The following ARB2A variants were observed in gnomAD, a reference collection of about 807,000 sequenced individuals.
ARB2A encodes ARB2 cotranscriptional regulator A.
chr5:93,972,143 T>A, the ARB2A span, among the ~76,000 whole-genome samples: 1 of 152,228 alleles, frequency 6.6e-6, no homozygotes, highest in South Asian at 2.1e-4. Context: ...CTACTGAAGG[T>A]GAACACTGGC....
the ARB2A span, among the ~76,000 whole-genome samples, chr5:93,772,161 A>G: frequency 2.6e-5 from 4 of 152,354 alleles, no homozygotes; most frequent in South Asian, 6.2e-4. Context: ...TTGTAGGGAC[A>G]TGGATGAAAT....
chr5:93,866,802 T>A, the ARB2A span, among the ~76,000 whole-genome samples: 10 of 152,162 alleles, frequency 6.6e-5, no homozygotes, highest in African/African-American at 2.2e-4. Flanking sequence ...CTTATCTACA[T>A]CTACAAATGA....
At chr5:93,701,354 A>C in the ARB2A span, among the ~76,000 whole-genome samples, 1 of 152,162 alleles carries the variant, frequency 6.6e-6, no homozygotes, top group Non-Finnish European at 1.5e-5. Flanking sequence ...CTGTTTTGAT[A>C]AAATGTGATT....
At chr5:93,937,547 G>A in the ARB2A span, among the ~76,000 whole-genome samples, 54 of 152,132 alleles carry the variant, frequency 3.5e-4, no homozygotes, top group Non-Finnish European at 7.5e-4. Context: ...AGGAGGCAGA[G>A]GTTGCAGTGA....
At chr5:93,691,888 A>C in the ARB2A span, among the ~76,000 whole-genome samples, 1 of 152,234 alleles carries the variant, frequency 6.6e-6, no homozygotes. Context: ...CTTAAATGAA[A>C]GAATTTTCAA....
At chr5:93,633,862 G>A in the ARB2A span, among the ~76,000 whole-genome samples, 3 of 152,008 alleles carry the variant, frequency 2.0e-5, 1 homozygote, top group African/African-American at 7.2e-5. Flanking sequence ...CTGGAGTACA[G>A]GGGTGCAATC....
At chr5:93,836,440 G>C in the ARB2A span, among the ~76,000 whole-genome samples, 1 of 152,122 alleles carries the variant, frequency 6.6e-6, no homozygotes, top group Non-Finnish European at 1.5e-5. Flanking sequence ...TTATGCTTTA[G>C]CTTTAAAGCT....
chr5:94,026,559 A>T, the ARB2A span, among the ~76,000 whole-genome samples: 1 of 152,284 alleles, frequency 6.6e-6, no homozygotes, highest in African/African-American at 2.4e-5. Context: ...GAGTATGCAA[A>T]AAAGGTTAAA....
the ARB2A span, among the ~76,000 whole-genome samples, chr5:93,903,220 G>T: frequency 1.3e-5 from 2 of 152,042 alleles, no homozygotes; most frequent in Admixed American, 1.3e-4. Context: ...GTGCACAAAG[G>T]ATTGGGATAT....
the ARB2A span, among the ~76,000 whole-genome samples, chr5:93,908,215 T>C: frequency 6.6e-6 from 1 of 151,156 alleles, no homozygotes; most frequent in East Asian, 1.9e-4. Context: ...ATTAGGCTAT[T>C]ATCTAGACAG....
the ARB2A span, among the ~76,000 whole-genome samples, chr5:93,981,911 A>C: frequency 2.5e-3 from 385 of 152,178 alleles, 1 homozygote; most frequent in Non-Finnish European, 4.4e-3. Flanking sequence ...AAAAATACTG[A>C]AGTCTGCAGA....
chr5:93,698,727 T>C, the ARB2A span, among the ~76,000 whole-genome samples: 1 of 152,364 alleles, frequency 6.6e-6, no homozygotes, highest in South Asian at 2.1e-4. Context: ...TATTACATTT[T>C]ATTTAACATT....
chr5:93,862,943 A>C, the ARB2A span: 5 of 152,120 alleles, frequency 3.3e-5, no homozygotes, highest in Non-Finnish European at 1.5e-5. Context: ...AATTATATTA[A>C]CATATTAATT....
chr5:93,820,677 C>A, the ARB2A span, among the ~76,000 whole-genome samples: 1 of 152,046 alleles, frequency 6.6e-6, no homozygotes, highest in African/African-American at 2.4e-5. Flanking sequence ...TACATATTGG[C>A]ATTATTTTAA....
chr5:93,953,655 A>G, the ARB2A span, among the ~76,000 whole-genome samples: 6 of 151,778 alleles, frequency 4.0e-5, no homozygotes, highest in African/African-American at 1.5e-4. Context: ...CCTAACTACC[A>G]CCTGTGTCCA....
chr5:94,052,221 G>A, the ARB2A span, among the ~76,000 whole-genome samples: 2 of 152,138 alleles, frequency 1.3e-5, no homozygotes, highest in South Asian at 4.2e-4. Context: ...GGGTATTCCC[G>A]GGGTAATCAG....
the ARB2A span, among the ~76,000 whole-genome samples, chr5:93,636,364 CCTAATCT>C: frequency 6.6e-6 from 1 of 152,098 alleles, no homozygotes; most frequent in Non-Finnish European, 1.5e-5. Context: ...TATGTTGAAA[CCTAATCT>C]CTAATGTGGT....
At chr5:94,082,942 T>C in the ARB2A span, among the ~76,000 whole-genome samples, 1 of 152,276 alleles carries the variant, frequency 6.6e-6, no homozygotes, top group South Asian at 2.1e-4. Flanking sequence ...ATTTACTTTA[T>C]CCAGAAAACA....
the ARB2A span, among the ~76,000 whole-genome samples, chr5:94,037,185 C>G: frequency 1.3e-5 from 2 of 152,066 alleles, no homozygotes; most frequent in African/African-American, 4.8e-5. Context: ...TATAGTTTTT[C>G]TCAACCACAA....
Sources: allele counts gnomAD v4.1 joint callset (sites outside exome capture counted in the v4.1 genomes callset), GRCh38; gene constraint gnomAD v4.1.1; transcripts MANE v1.5; gene names NCBI Gene and HGNC (gene_info 2026-07-23, HGNC 2026-07-21).